Variants in ZFHX3 observed in about 807,000 individuals in gnomAD.
ZFHX3 encodes zinc finger homeobox 3, also known as zinc finger homeobox protein 3.
ZFHX3 carries 42 observed loss-of-function variants against 279.1 expected under a neutral mutation model. The ratio of observed to expected loss-of-function variants is 0.15; its 90% CI spans 0.12 to 0.19. ZFHX3 has a LOEUF of 0.19. Ranked by LOEUF, ZFHX3 falls within the 10% of genes least tolerant of loss-of-function variation. The pLI, the probability that ZFHX3 is intolerant of heterozygous loss-of-function variation, is 1.00. For synonymous variants in ZFHX3, 2,293 were observed against 1,957.8 expected, an observed-to-expected ratio of 1.17 and a Z score of -4.52; for missense variants, 4,981 against 4,754.0, an observed-to-expected ratio of 1.05 and a Z score of -1.40.
chr16:73,879,009 C>T (rs1180996984), intron 1 of ZFHX3, among the ~76,000 whole-genome samples: 4 of 149,748 alleles, frequency 2.7e-5, no homozygotes, highest in African/African-American at 7.4e-5. Context: ...TATGTTCTTC[C>T]TCTGAGATCT....
At chr16:72,978,577 C>T (rs931448970) in intron 1 of ZFHX3, among the ~76,000 whole-genome samples, 2 of 152,144 alleles carry the variant, frequency 1.3e-5, no homozygotes, top group Admixed American at 1.3e-4. Flanking sequence ...GCTCTCCTCC[C>T]AGAAAAATAA....
intron 5 of ZFHX3, among the ~76,000 whole-genome samples, chr16:73,158,163 GC>G (rs1404664276): frequency 3.3e-4 from 50 of 152,148 alleles, no homozygotes; most frequent in Admixed American, 3.3e-3. Context: ...TCTTTCCCAG[GC>G]TGGGACAGCA....
intron 7 of ZFHX3, among the ~76,000 whole-genome samples, chr16:72,802,150 C>G (rs976678342): frequency 2.0e-5 from 3 of 151,966 alleles, no homozygotes; most frequent in Admixed American, 6.6e-5. Context: ...AGACTCAGTA[C>G]GACGGATCAG....
chr16:72,879,158 A>G (rs2038396039), intron 4 of ZFHX3, among the ~76,000 whole-genome samples: 1 of 152,234 alleles, frequency 6.6e-6, no homozygotes, highest in African/African-American at 2.4e-5. Context: ...TGGGATCTTT[A>G]TATTATGTCC....
chr16:73,437,986 G>C (rs6564204), intron 3 of ZFHX3, among the ~76,000 whole-genome samples: 2 of 151,890 alleles, frequency 1.3e-5, no homozygotes, highest in African/African-American at 4.8e-5. Context: ...TTCAACATCA[G>C]TGTTCAACTT....
intron 2 of ZFHX3, among the ~76,000 whole-genome samples, chr16:73,653,863 A>G (rs2052695269): frequency 6.6e-6 from 1 of 152,204 alleles, no homozygotes; most frequent in African/African-American, 2.4e-5. Flanking sequence ...GAAACAGAAT[A>G]TGACTGCAGA....
At chr16:73,334,744 T>C (rs2015875757) in intron 3 of ZFHX3, among the ~76,000 whole-genome samples, 1 of 148,620 alleles carries the variant, frequency 6.7e-6, no homozygotes, top group African/African-American at 2.5e-5. Flanking sequence ...CCCCTCCTCC[T>C]CTCAGTCCTG....
intron 5 of ZFHX3, among the ~76,000 whole-genome samples, chr16:73,202,512 A>G (rs1475502385): frequency 6.6e-6 from 1 of 152,210 alleles, no homozygotes; most frequent in East Asian, 1.9e-4. Flanking sequence ...AACCATCGCT[A>G]TGGCAGGGGA....
chr16:73,669,552 C>T (rs1000126804), intron 2 of ZFHX3, among the ~76,000 whole-genome samples: 13 of 152,176 alleles, frequency 8.5e-5, no homozygotes, highest in Non-Finnish European at 1.0e-4. Flanking sequence ...AAGAAGCCAA[C>T]CACCTGAAAA....
At chr16:73,550,018 G>A (rs946468073) in intron 2 of ZFHX3, among the ~76,000 whole-genome samples, 1 of 151,824 alleles carries the variant, frequency 6.6e-6, no homozygotes, top group African/African-American at 2.4e-5. Flanking sequence ...TTTTCAAGCT[G>A]TTCAGACGGG....
intron 5 of ZFHX3, among the ~76,000 whole-genome samples, chr16:73,171,070 G>A (rs1237593645): frequency 6.6e-6 from 1 of 151,974 alleles, no homozygotes; most frequent in East Asian, 1.9e-4. Flanking sequence ...CCATCATTTG[G>A]GAACCCTCTC....
At chr16:73,618,424 C>T (rs920689637) in intron 2 of ZFHX3, among the ~76,000 whole-genome samples, 2 of 152,104 alleles carry the variant, frequency 1.3e-5, no homozygotes, top group African/African-American at 2.4e-5. Context: ...AAATAATAAG[C>T]CTAGGAGGAT....
chr16:73,678,111 G>A (rs1301109450), intron 2 of ZFHX3, among the ~76,000 whole-genome samples: 1 of 152,062 alleles, frequency 6.6e-6, no homozygotes, highest in Non-Finnish European at 1.5e-5. Context: ...CAAAATTACT[G>A]AAATCACATA....
intron 1 of ZFHX3, among the ~76,000 whole-genome samples, chr16:73,779,092 A>C (rs1001418150): frequency 1.1e-4 from 17 of 152,218 alleles, no homozygotes; most frequent in Non-Finnish European, 2.2e-4. Context: ...AGATGGCTCC[A>C]GAGTGGCACA....
intron 4 of ZFHX3, among the ~76,000 whole-genome samples, chr16:73,274,942 G>GCTATGTCCA (rs2014251557): frequency 6.6e-6 from 1 of 152,216 alleles, no homozygotes; most frequent in Non-Finnish European, 1.5e-5. Flanking sequence ...TCCCTATAAA[G>GCTATGTCCA]CTATGTCCAC....
intron 3 of ZFHX3, among the ~76,000 whole-genome samples, chr16:73,371,293 C>T (rs182060699): frequency 1.2e-4 from 18 of 151,786 alleles, no homozygotes; most frequent in East Asian, 3.9e-4. Context: ...GGCAACAGAG[C>T]GAGACTCCAT....
chr16:73,100,409 G>A (rs978858167), intron 7 of ZFHX3, among the ~76,000 whole-genome samples: 4 of 152,136 alleles, frequency 2.6e-5, no homozygotes, highest in Non-Finnish European at 5.9e-5. Flanking sequence ...CTTTGATCTG[G>A]CCCAGGTTTG....
chr16:73,308,580 T>A (rs2015248960), intron 4 of ZFHX3, among the ~76,000 whole-genome samples: 1 of 152,038 alleles, frequency 6.6e-6, no homozygotes, highest in Non-Finnish European at 1.5e-5. Flanking sequence ...GTGGTGAGAT[T>A]ACAGGTGTGA....
intron 1 of ZFHX3, among the ~76,000 whole-genome samples, chr16:73,036,266 G>A (rs1028530921): frequency 1.3e-5 from 2 of 152,192 alleles, no homozygotes; most frequent in East Asian, 3.9e-4. Context: ...CACAAGGCCA[G>A]TCTCATTTCT....
Sources: allele counts gnomAD v4.1 joint callset (sites outside exome capture counted in the v4.1 genomes callset), GRCh38; gene constraint gnomAD v4.1.1; transcripts MANE v1.5; gene names NCBI Gene and HGNC (gene_info 2026-07-23, HGNC 2026-07-21).